KCNK9: variants seen among roughly 807,000 people sequenced by gnomAD.
KCNK9 encodes the protein potassium channel subfamily K member 9.
Under a neutral mutation model 10.8 loss-of-function variants are expected in KCNK9, and 1 was observed. That is an observed-to-expected ratio of 0.09 (90% CI 0.03 to 0.44). KCNK9 has a LOEUF of 0.44. Among genes scored for constraint, KCNK9 ranks in the 20% least tolerant of loss-of-function variants. KCNK9 has a pLI of 0.97. For synonymous variants in KCNK9, 231 were observed against 222.7 expected (o/e 1.04, Z -0.33); for missense variants, 303 against 515.0 (o/e 0.59, Z 3.98).
In KCNK9 at chr8:139,618,033, G is replaced by C. The variant is rs1814653897; in HGVS notation, c.*225C>G. The C allele has an allele frequency of 1.7e-6, 1 of 571,820 alleles. No individual in the cohort carries two copies. Among genetic ancestry groups the C allele is most frequent in the African/African-American group, 1.9e-5 (1 of 53,288 alleles). The allele number at this position is 571,820 out of a possible 1,614,324, so 35.4% of individuals were successfully genotyped here. Reference sequence around the variant, plus strand: ...GGAGGAGATCCATGCTTCATGCTCAGATGTGAGTTTCAGAGGAGGATGGGC... The same window carrying C: ...GGAGGAGATCCATGCTTCATGCTCACATGTGAGTTTCAGAGGAGGATGGGC... On this transcript the variant is annotated 3_prime_UTR_variant, in exon 2 of 2. Coordinates refer to ENST00000520439, the MANE Select transcript of KCNK9 (RefSeq NM_001282534.2). This position sits in a 1 kb window ranked among gnomAD's most constrained non-coding sequence, Gnocchi z 7.9.
Position 139,619,842 on chromosome 8 carries a change from C to T in KCNK9, c.284-743G>A, listed in dbSNP as rs189953254. ...TGCATACTTTTAAAAATGTTTTGTT[C>T]GCTGCTGTATTCCCCCATACCTAGA... On this transcript the variant is annotated intron_variant, in intron 1 of 1. Coordinates refer to ENST00000520439, the MANE Select transcript of KCNK9 (RefSeq NM_001282534.2). 2.6e-3 allele frequency among the ~76,000 whole-genome samples: 396 copies of T among 152,246 alleles called. 3 individuals are homozygous for T. Among genetic ancestry groups the T allele is most frequent in the African/African-American group, 9.0e-3 (376 of 41,548 alleles).
chr8:139,623,841 G>A (rs1428226585), intron 1 of KCNK9, among the ~76,000 whole-genome samples: 1 of 152,154 alleles, frequency 6.6e-6, no homozygotes, highest in Non-Finnish European at 1.5e-5. Flanking sequence ...GGGACACACA[G>A]GGCACTAAAG....
In KCNK9 at chr8:139,702,621, G is replaced by A. The variant is rs1817256287; in HGVS notation, c.283+89C>T. On this transcript the variant is annotated intron_variant, in intron 1 of 1. Coordinates refer to ENST00000520439, the MANE Select transcript of KCNK9 (RefSeq NM_001282534.2). This position sits in a 1 kb window ranked among gnomAD's most constrained non-coding sequence, Gnocchi z 7.5. ...AGGGAGGCTGCGTTTAACCCTCGAC[G>A]CCCTGCACCCAGCCCGGCGCGGCGC... 7 of 1,365,852 alleles carry A rather than the reference G, an allele frequency of 5.1e-6. No homozygotes were observed. The highest frequency in any genetic ancestry group is 1.3e-5 in the South Asian group (1 of 74,936). The allele number at this position is 1,365,852 out of a possible 1,614,324, so 84.6% of individuals were successfully genotyped here. A position where few individuals can be genotyped will look rare whatever the true frequency, so the allele number is the denominator to read the frequency against.
At chr8:139,656,566 C>T (rs1428445800) in intron 1 of KCNK9, among the ~76,000 whole-genome samples, 2 of 152,226 alleles carry the variant, frequency 1.3e-5, no homozygotes, top group African/African-American at 4.8e-5. Flanking sequence ...GACACCTGCC[C>T]CGGGAAGCCA....
chr8:139,660,970 C>T (rs1816137756), intron 1 of KCNK9, among the ~76,000 whole-genome samples: 1 of 152,212 alleles, frequency 6.6e-6, no homozygotes, highest in African/African-American at 2.4e-5. Context: ...CAGGCACCAG[C>T]ACCTCTGTAC....
chr8:139,677,172 C>A (rs537563637), intron 1 of KCNK9, among the ~76,000 whole-genome samples: 1 of 152,134 alleles, frequency 6.6e-6, no homozygotes, highest in Non-Finnish European at 1.5e-5. Context: ...CTGTGGCCAC[C>A]AATTAAAGGT....
intron 1 of KCNK9, among the ~76,000 whole-genome samples, chr8:139,660,698 A>T (rs921722767): frequency 2.6e-5 from 4 of 152,214 alleles, no homozygotes; most frequent in Admixed American, 6.5e-5. Flanking sequence ...ATAAGCATTT[A>T]TTGATTAACA....
intron 2 of KCNK9, among the ~76,000 whole-genome samples, chr8:139,603,088 A>G (rs924313296): frequency 1.3e-5 from 2 of 152,222 alleles, no homozygotes; most frequent in African/African-American, 4.8e-5. Context: ...CACAGAACTT[A>G]GTGAAAATCT....
intron 2 of KCNK9, among the ~76,000 whole-genome samples, chr8:139,605,973 A>G (rs1208013345): frequency 1.3e-5 from 2 of 152,192 alleles, no homozygotes; most frequent in Non-Finnish European, 2.9e-5. Context: ...CCATCTCCAC[A>G]GAGAAGGCCA....
At position 139,617,374 on chromosome 8, in the gene KCNK9, T is replaced by C. The variant is rs370408120; in HGVS notation, c.*884A>G. 1.3e-5 allele frequency among the ~76,000 whole-genome samples: 2 copies of C among 152,208 alleles called. No individual in the cohort carries two copies. Among genetic ancestry groups the C allele is most frequent in the East Asian group, 3.8e-4 (2 of 5,200 alleles). ...TTGTTGGAACTGGAGGTGACAAAAT[T>C]AAAAATGTCTTTTATAAGTTAATGT... On this transcript the variant is annotated 3_prime_UTR_variant, in exon 2 of 2. Coordinates refer to ENST00000520439, the MANE Select transcript of KCNK9 (RefSeq NM_001282534.2).
chr8:139,603,830 G>A (rs1817426659), intron 2 of KCNK9, among the ~76,000 whole-genome samples: 1 of 152,210 alleles, frequency 6.6e-6, no homozygotes, highest in Admixed American at 6.5e-5. Context: ...GTTCACTGAG[G>A]ATAGAAACTG....
chr8:139,701,410 TC>T (rs1206595938), intron 1 of KCNK9, among the ~76,000 whole-genome samples: 1 of 152,234 alleles, frequency 6.6e-6, no homozygotes, highest in East Asian at 1.9e-4. Flanking sequence ...TGCTGGCGCT[TC>T]CTGTTGCATA....
intron 1 of KCNK9, among the ~76,000 whole-genome samples, chr8:139,627,071 A>G (rs1179061024): frequency 6.6e-6 from 1 of 152,226 alleles, no homozygotes. Flanking sequence ...AGTGGGTCCC[A>G]AAGTCTGGGT....
intron 1 of KCNK9, among the ~76,000 whole-genome samples, chr8:139,652,493 CCT>C (rs1815896818): frequency 6.6e-6 from 1 of 152,132 alleles, no homozygotes; most frequent in Admixed American, 6.5e-5. Context: ...GGGGTCCTTC[CCT>C]CTCTGCCTTG....
At chr8:139,625,159 C>T (rs1246964461) in intron 1 of KCNK9, among the ~76,000 whole-genome samples, 1 of 151,686 alleles carries the variant, frequency 6.6e-6, no homozygotes, top group African/African-American at 2.4e-5. Context: ...CCTTGGGGGT[C>T]AGACCTTCCA....
downstream of KCNK9, chr8:139,612,586 G>T (rs1382123315): frequency 6.6e-6 from 1 of 152,166 alleles, no homozygotes; most frequent in African/African-American, 2.4e-5. Context: ...AGGTCCACTT[G>T]AGAAGGCAGA....
chr8:139,613,815 A>G (rs1364529564), downstream of KCNK9, among the ~76,000 whole-genome samples: 3 of 152,190 alleles, frequency 2.0e-5, no homozygotes, highest in South Asian at 4.1e-4. Context: ...GAGGAAACCC[A>G]CTTTAGACCC....
In KCNK9 at chr8:139,702,415, C is replaced by G. The variant is rs921750543; in HGVS notation, c.283+295G>C. Among the ~76,000 whole-genome samples the G allele has an allele frequency of 3.3e-5, 5 of 152,074 alleles. No individual in the cohort carries two copies. Among genetic ancestry groups the G allele is most frequent in the African/African-American group, 1.2e-4 (5 of 41,438 alleles). ...ATGGGATTATTCTTAGCGCTCCACT[C>G]TCTTCGCAAAAGTGGCGCCTCCGCC... On this transcript the variant is annotated intron_variant, in intron 1 of 1. Coordinates refer to ENST00000520439, the MANE Select transcript of KCNK9 (RefSeq NM_001282534.2). This position sits in a 1 kb window ranked among gnomAD's most constrained non-coding sequence, Gnocchi z 7.5.
chr8:139,635,968 G>A (rs1218970410), intron 1 of KCNK9, among the ~76,000 whole-genome samples: 2 of 152,134 alleles, frequency 1.3e-5, no homozygotes, highest in East Asian at 1.9e-4. Flanking sequence ...TCAAGTAGAT[G>A]TGGCATGTCT....
Sources: allele counts gnomAD v4.1 joint callset (sites outside exome capture counted in the v4.1 genomes callset), GRCh38; gene constraint gnomAD v4.1.1; non-coding constraint Gnocchi (gnomAD v3.1); transcripts MANE v1.5; gene names NCBI Gene and HGNC (gene_info 2026-07-23, HGNC 2026-07-21).